The following DNMT3A variants were observed in gnomAD, a reference collection of about 807,000 sequenced individuals.
The protein encoded by DNMT3A is DNA methyltransferase 3 alpha, also known as DNA (cytosine-5)-methyltransferase 3A.
Under a neutral mutation model 117.6 loss-of-function variants are expected in DNMT3A, and 267 were observed. The observed-to-expected ratio is 2.27, with a 90% confidence interval of 2.05 to 2.51. The LOEUF (loss-of-function observed/expected upper bound fraction) is 2.51, where lower values mean the gene tolerates loss of function less well. DNMT3A is among the 30% of genes most tolerant of loss of function. The probability of loss-of-function intolerance (pLI) is 0.00; values close to 1 mark genes in which losing one functional copy is unlikely to be tolerated. For synonymous variants in DNMT3A, 432 were observed against 474.8 expected (o/e 0.91, Z 1.17); for missense variants, 1,029 against 1,260.2 (o/e 0.82, Z 2.78).
chr2:25,341,405 C>T (rs1439275627), intron 1 of DNMT3A, among the ~76,000 whole-genome samples: 1 of 145,546 alleles, frequency 6.9e-6, no homozygotes. Context: ...GGGGCTGGGG[C>T]AGAGCCCGGA....
rs759311226 is a variant in DNMT3A, at chr2:25,239,183, CA to C, written c.2354del (p.Val785GlyfsTer17). 6.2e-7 allele frequency: 1 copy of C among 1,614,104 alleles called. No homozygotes were observed. Among genetic ancestry groups the C allele is most frequent in the African/African-American group, 1.3e-5 (1 of 75,046 alleles). ...AGTAGCGGGCCCTGTGTGCAGCTGA[CA>C]CTTCTTTGGCATCAATCATCACAGG... ...SNPVMIDAKE[V>X]SAAHRARYFW... On this transcript the variant is annotated frameshift_variant, in exon 20 of 23. Transcript: ENST00000321117. LOFTEE classifies it high-confidence loss of function.
At chr2:25,280,539 T>C (rs1352819087) in intron 4 of DNMT3A, among the ~76,000 whole-genome samples, 1 of 152,224 alleles carries the variant, frequency 6.6e-6, no homozygotes. Context: ...CAGCTCGCGC[T>C]GGACAGCCCA....
In DNMT3A at chr2:25,239,142, G is replaced by A. The variant is rs1004794515; in HGVS notation, c.2396C>T (p.Pro799Leu). 1.2e-6 allele frequency: 2 copies of A among 1,613,996 alleles called. No individual in the cohort carries two copies. The highest frequency in any genetic ancestry group is 1.1e-5 in the South Asian group (1 of 91,066). Residue 799 changes from proline (P) to leucine (L), a missense_variant, in exon 20 of 23, where the codon CCC becomes CTC. Pro to Leu is a moderately conservative substitution (Grantham distance 98). Transcript: ENST00000321117. ...AGCTTTCACCAACCTGTTCATACCG[G>A]GAAGGTTACCCCAGAAGTAGCGGGC... ...HRARYFWGNL[P>L]GMNRPLASTV...
chr2:25,316,889 C>A (rs1167152475), intron 1 of DNMT3A, among the ~76,000 whole-genome samples: 1 of 152,012 alleles, frequency 6.6e-6, no homozygotes, highest in East Asian at 1.9e-4. Context: ...TGTTAACAGC[C>A]ACTTAAAAAA....
rs191817826 is a variant in DNMT3A at position 25,314,810 on chromosome 2, C to G, written c.-177-649G>C. Reference sequence around the variant, plus strand: ...GAGTGAGGCTGCTCTCTCCCCCACCCCATGAACCAGCCTCATTTGCCTGCA... The same window carrying G: ...GAGTGAGGCTGCTCTCTCCCCCACCGCATGAACCAGCCTCATTTGCCTGCA... On this transcript the variant is annotated intron_variant, in intron 1 of 22. Transcript: ENST00000321117. 27 of 677,828 alleles carry G rather than the reference C, an allele frequency of 4.0e-5. No individual in the cohort carries two copies. The East Asian group carries it at 3.0e-3, about 74-fold the overall frequency. 42.0% of individuals were successfully genotyped at this position (677,828 alleles called of 1,614,324 possible).
At chr2:25,318,034 G>A (rs1056955759) in intron 1 of DNMT3A, among the ~76,000 whole-genome samples, 4 of 151,928 alleles carry the variant, frequency 2.6e-5, no homozygotes, top group Non-Finnish European at 5.9e-5. Flanking sequence ...CGCGCCGGCC[G>A]GGAAGGTTAT....
intron 4 of DNMT3A, among the ~76,000 whole-genome samples, chr2:25,277,023 A>G (rs2031474577): frequency 1.3e-5 from 2 of 151,298 alleles, no homozygotes. Context: ...GGTGACAGCG[A>G]CTCCCGCTAG....
chr2:25,251,979 C>A (rs1221008773), intron 6 of DNMT3A: 1 of 562,102 alleles, frequency 1.8e-6, no homozygotes, highest in Admixed American at 3.9e-5. Flanking sequence ...CTGGAGCCCT[C>A]GAGGAGTGGG....
Position 25,252,174 on chromosome 2 carries a change from G to C in DNMT3A, c.640-3922C>G. Reference sequence around the variant, plus strand: ...GCCTCCCCGCCCCCGGTCTCCCCGGGGCTCCGTCCAGGAACCTACCCATAA... The same window carrying C: ...GCCTCCCCGCCCCCGGTCTCCCCGGCGCTCCGTCCAGGAACCTACCCATAA... On this transcript the variant is annotated intron_variant, in intron 6 of 22. Transcript: ENST00000321117. The surrounding 1 kb of genome is among the most constrained non-coding windows in gnomAD (Gnocchi z 5.5). 6.4e-7 allele frequency: 1 copy of C among 1,562,182 alleles called. No homozygotes were observed. The highest frequency in any genetic ancestry group is 8.7e-7 in the Non-Finnish European group (1 of 1,155,220).
rs1287436463 is a variant in DNMT3A at position 25,284,645 on chromosome 2, T to TGAA, written c.178-1935_178-1934insTTC. 6.0e-3 allele frequency among the ~76,000 whole-genome samples: 100 copies of TGAA among 16,646 alleles called. 1 individual carries two copies. The highest frequency in any genetic ancestry group is 0.042 in the Middle Eastern group (1 of 24). The allele number at this position is 16,646 out of a possible 152,430, so 10.9% of individuals were successfully genotyped here. On this transcript the variant is annotated intron_variant, in intron 3 of 22. Coordinates refer to ENST00000321117, the MANE Select transcript of DNMT3A (RefSeq NM_022552.5). ...CTGGGCAACAGAGTGAGACTCCATCTAAAAAAAAAAAAAAAAAAAAAAAAA... is the reference window on the plus strand; with the variant it reads ...CTGGGCAACAGAGTGAGACTCCATCTGAAAAAAAAAAAAAAAAAAAAAAAAAAA...
rs148655749 is a variant in DNMT3A, at chr2:25,247,606, G to A, written c.999C>T (p.Asp333=). Residue 333 remains aspartate (D), a synonymous_variant, in exon 8 of 23, where the codon GAC becomes GAT. Coordinates refer to ENST00000321117, the MANE Select transcript of DNMT3A (RefSeq NM_022552.5). The surrounding 1 kb of genome is among the most constrained non-coding windows in gnomAD (Gnocchi z 5.6). ...EGTRWVMWFG[D]GKFSVVCVEK... is the part of the protein sequence containing the mutation. Reference sequence around the variant, plus strand: ...CACAACTTACCACTGAGAATTTGCCGTCTCCGAACCACATGACCCAGCGGG... The same window carrying A: ...CACAACTTACCACTGAGAATTTGCCATCTCCGAACCACATGACCCAGCGGG... 1.5e-5 allele frequency: 24 copies of A among 1,613,776 alleles called. No individual in the cohort carries two copies. The highest frequency in any genetic ancestry group is 5.3e-5 in the African/African-American group (4 of 74,848).
intron 1 of DNMT3A, among the ~76,000 whole-genome samples, chr2:25,325,577 C>G (rs2034755381): frequency 6.6e-6 from 1 of 152,226 alleles, no homozygotes; most frequent in Non-Finnish European, 1.5e-5. Flanking sequence ...TCTGGGGATG[C>G]TGACCTCGTC....
In DNMT3A at chr2:25,247,090, CTTG is replaced by C; in HGVS notation, c.1080_1082del (p.Asn360del). The C allele has an allele frequency of 6.2e-7, 1 of 1,614,160 alleles. No individual in the cohort carries two copies. Among genetic ancestry groups the C allele is most frequent in the Non-Finnish European group, 8.5e-7 (1 of 1,180,010 alleles). ...AGATGGCTTTGCGGTACATGGGCTG[CTTG>C]TTGTACGTGGCCTGGTGGAACGCAC... On this transcript the variant is annotated inframe_deletion, in exon 9 of 23. Transcript: ENST00000321117. This position sits in a 1 kb window ranked among gnomAD's most constrained non-coding sequence, Gnocchi z 5.6.
Position 25,247,941 on chromosome 2 carries a change from C to G in DNMT3A, c.855+96G>C. The G allele has an allele frequency of 6.4e-7, 1 of 1,565,152 alleles. No homozygotes were observed. The highest frequency in any genetic ancestry group is 1.1e-5 in the South Asian group (1 of 87,960). Reference sequence around the variant, plus strand: ...GGGGTCAGGTGGAGAGAGCGAGCGGCCCGTGGGAGATGGAGAGAGGAGAGC... The same window carrying G: ...GGGGTCAGGTGGAGAGAGCGAGCGGGCCGTGGGAGATGGAGAGAGGAGAGC... On this transcript the variant is annotated intron_variant, in intron 7 of 22. Coordinates refer to ENST00000321117, the MANE Select transcript of DNMT3A (RefSeq NM_022552.5). This position sits in a 1 kb window ranked among gnomAD's most constrained non-coding sequence, Gnocchi z 5.6.
At chr2:25,309,532 C>T (rs146899871) in intron 2 of DNMT3A, among the ~76,000 whole-genome samples, 2 of 152,264 alleles carry the variant, frequency 1.3e-5, no homozygotes, top group East Asian at 1.9e-4. Flanking sequence ...GGGAGGACTA[C>T]GAATTCTCAT....
At chr2:25,332,262 C>A (rs1482681198) in intron 1 of DNMT3A, among the ~76,000 whole-genome samples, 1 of 152,238 alleles carries the variant, frequency 6.6e-6, no homozygotes. Flanking sequence ...CCCTACACTG[C>A]AGCCACATGG....
rs114614891 is a variant in DNMT3A at position 25,247,471 on chromosome 2, T to A, written c.1014+120A>T. The A allele has an allele frequency of 6.7e-4, 966 of 1,434,222 alleles. 5 individuals carry two copies. In the African/African-American group the frequency reaches 0.013, roughly 19 times the overall value. 88.8% of individuals were successfully genotyped at this position (1,434,222 alleles called of 1,614,324 possible). On this transcript the variant is annotated intron_variant, in intron 8 of 22. Transcript: ENST00000321117. The surrounding 1 kb of genome is among the most constrained non-coding windows in gnomAD (Gnocchi z 5.6). ...CTTCTTCCACCCACCACAGGCAGAGTAGGGGTGAGCAGAACCCACTTCCAT... is the reference window on the plus strand; with the variant it reads ...CTTCTTCCACCCACCACAGGCAGAGAAGGGGTGAGCAGAACCCACTTCCAT...
intron 6 of DNMT3A, among the ~76,000 whole-genome samples, chr2:25,259,548 C>G (rs1469173750): frequency 1.3e-5 from 2 of 152,204 alleles, no homozygotes; most frequent in Non-Finnish European, 2.9e-5. Context: ...CCAGGAGGGA[C>G]TCACATTTGA....
At chr2:25,303,585 C>A (rs541070337) in intron 2 of DNMT3A, among the ~76,000 whole-genome samples, 5 of 152,368 alleles carry the variant, frequency 3.3e-5, no homozygotes, top group Non-Finnish European at 7.3e-5. Context: ...GTGCAAGGAG[C>A]TTTACGGCTG....
Sources: allele counts gnomAD v4.1 joint callset (sites outside exome capture counted in the v4.1 genomes callset), GRCh38; gene constraint gnomAD v4.1.1; non-coding constraint Gnocchi (gnomAD v3.1); transcripts MANE v1.5; gene names NCBI Gene and HGNC (gene_info 2026-07-23, HGNC 2026-07-21).